The following WWOX variants were observed in gnomAD, a reference collection of about 807,000 sequenced individuals.
WWOX encodes WW domain containing oxidoreductase.
WWOX carries 69 observed loss-of-function variants against 46.2 expected under a neutral mutation model. That is an observed-to-expected ratio of 1.49 (90% CI 1.23 to 1.82). WWOX has a LOEUF of 1.82. Among genes scored for constraint, WWOX ranks in the 40% most tolerant of loss-of-function variants. WWOX has a pLI of 0.00. For missense variants in WWOX, 919 were observed against 542.6 expected (o/e 1.69, Z -6.89); for synonymous variants, 359 against 202.6 (o/e 1.77, Z -6.56).
intron 8 of WWOX, among the ~76,000 whole-genome samples, chr16:78,657,403 C>T (rs530130886): frequency 1.3e-5 from 2 of 152,218 alleles, no homozygotes; most frequent in Admixed American, 6.5e-5. Flanking sequence ...TTCCCGACTC[C>T]CAGGGCCCTG....
chr16:79,201,130 G>GTA (rs2051341154), intron 8 of WWOX, among the ~76,000 whole-genome samples: 2 of 152,070 alleles, frequency 1.3e-5, no homozygotes, highest in Non-Finnish European at 2.9e-5. Context: ...TCAAAGACAG[G>GTA]AGTCCAATGT....
At chr16:78,270,591 G>A (rs1305086592) in intron 5 of WWOX, 1 of 152,184 alleles carries the variant, frequency 6.6e-6, no homozygotes, top group Non-Finnish European at 1.5e-5. Context: ...GCTCTGCCAT[G>A]AGTAACGAAG....
At chr16:79,092,986 G>T (rs191554152) in intron 8 of WWOX, among the ~76,000 whole-genome samples, 3 of 151,992 alleles carry the variant, frequency 2.0e-5, no homozygotes, top group African/African-American at 7.3e-5. Flanking sequence ...AAGTAATCGC[G>T]GTTTTCACCA....
chr16:79,014,868 G>C (rs2047381524), intron 8 of WWOX, among the ~76,000 whole-genome samples: 1 of 152,174 alleles, frequency 6.6e-6, no homozygotes, highest in Non-Finnish European at 1.5e-5. Context: ...CAAGCACTTA[G>C]TGAGCATCAG....
chr16:78,310,668 C>A (rs1045785349), intron 5 of WWOX, among the ~76,000 whole-genome samples: 1 of 152,194 alleles, frequency 6.6e-6, no homozygotes, highest in African/African-American at 2.4e-5. Context: ...TCTCTGGGAT[C>A]GGGGATTTAT....
chr16:79,039,173 A>G (rs563185092), intron 8 of WWOX, among the ~76,000 whole-genome samples: 1 of 152,222 alleles, frequency 6.6e-6, no homozygotes, highest in Admixed American at 6.5e-5. Flanking sequence ...GGTGATGCTC[A>G]TGTTACGGTT....
intron 8 of WWOX, among the ~76,000 whole-genome samples, chr16:78,863,825 G>A (rs549170270): frequency 7.2e-5 from 11 of 152,174 alleles, no homozygotes; most frequent in Non-Finnish European, 1.6e-4. Context: ...AAAAAACTAT[G>A]TCCACATCCT....
intron 8 of WWOX, among the ~76,000 whole-genome samples, chr16:78,973,560 T>G (rs893735819): frequency 6.6e-6 from 1 of 152,200 alleles, no homozygotes; most frequent in Non-Finnish European, 1.5e-5. Context: ...TTTCTTTTTT[T>G]GGGGGCAGGG....
intron 8 of WWOX, among the ~76,000 whole-genome samples, chr16:78,609,311 C>A (rs192038950): frequency 6.6e-6 from 1 of 151,944 alleles, no homozygotes; most frequent in Non-Finnish European, 1.5e-5. Context: ...TCTTTGATAA[C>A]CTCATTTTCA....
chr16:78,806,878 T>C (rs560228761), intron 8 of WWOX, among the ~76,000 whole-genome samples: 7 of 152,276 alleles, frequency 4.6e-5, no homozygotes, highest in African/African-American at 1.7e-4. Context: ...ACAGTTCGTG[T>C]CCTGCAGTGG....
chr16:78,414,848 C>A (rs929190932), intron 6 of WWOX, among the ~76,000 whole-genome samples: 1 of 152,072 alleles, frequency 6.6e-6, no homozygotes, highest in African/African-American at 2.4e-5. Flanking sequence ...CCAGGAATGA[C>A]CAAAGACAGC....
At position 79,002,816 on chromosome 16, in the gene WWOX, G is replaced by T. The variant is rs113424616; in HGVS notation, c.1057-208792G>T. On this transcript the variant is annotated intron_variant, in intron 8 of 8. Transcript: ENST00000566780. ...AGGCCTGTCTGGATCCAAAACCCAT[G>T]CTCATAATCACTAAGTTATACTACC... Among the ~76,000 whole-genome samples, 1,064 of 152,230 alleles carry T rather than the reference G, an allele frequency of 7.0e-3. 9 individuals carry two copies. Among genetic ancestry groups the T allele is most frequent in the African/African-American group, 0.024 (1,012 of 41,540 alleles).
intron 5 of WWOX, among the ~76,000 whole-genome samples, chr16:78,287,819 A>G (rs986900224): frequency 6.6e-6 from 1 of 152,136 alleles, no homozygotes; most frequent in African/African-American, 2.4e-5. Flanking sequence ...AAGATCAATT[A>G]TGTAATAATT....
At chr16:78,223,416 T>G (rs1485486345) in intron 5 of WWOX, among the ~76,000 whole-genome samples, 1 of 152,156 alleles carries the variant, frequency 6.6e-6, no homozygotes, top group Non-Finnish European at 1.5e-5. Context: ...CTTTTCAACC[T>G]TGAAGCACTA....
intron 8 of WWOX, among the ~76,000 whole-genome samples, chr16:79,028,696 A>G (rs937339200): frequency 1.3e-5 from 2 of 151,866 alleles, no homozygotes; most frequent in Non-Finnish European, 2.9e-5. Context: ...CCCCATGGAA[A>G]GCAAATTGAA....
At chr16:78,593,062 C>T (rs1015718001) in intron 8 of WWOX, among the ~76,000 whole-genome samples, 1 of 152,164 alleles carries the variant, frequency 6.6e-6, no homozygotes, top group Non-Finnish European at 1.5e-5. Context: ...TAGGCAAATA[C>T]AAAAGCTCTT....
At chr16:78,631,751 C>A (rs1370117429) in intron 8 of WWOX, among the ~76,000 whole-genome samples, 4 of 152,082 alleles carry the variant, frequency 2.6e-5, no homozygotes, top group Non-Finnish European at 5.9e-5. Flanking sequence ...GTCTCTAACT[C>A]CTGGGCTCAA....
chr16:78,162,051 G>T lies in WWOX; in HGVS notation c.410-2132G>T, dbSNP rs117959402. ...TCTTTGTTACTTTCTGCATCTCTGG[G>T]TTTATAGCTAAGGTCATTTTCCTCC... On this transcript the variant is annotated intron_variant, in intron 4 of 8. Transcript: ENST00000566780. Among the ~76,000 whole-genome samples, 991 of 152,152 alleles carry T rather than the reference G, an allele frequency of 6.5e-3. 8 individuals carry two copies. The highest frequency in any genetic ancestry group is 0.012 in the Non-Finnish European group (815 of 67,994).
chr16:78,546,091 C>A (rs541374310), intron 8 of WWOX, among the ~76,000 whole-genome samples: 2 of 152,062 alleles, frequency 1.3e-5, no homozygotes, highest in African/African-American at 4.8e-5. Flanking sequence ...TGGTCCCTAC[C>A]CTCTGTCAGT....
Sources: allele counts gnomAD v4.1 joint callset (sites outside exome capture counted in the v4.1 genomes callset), GRCh38; gene constraint gnomAD v4.1.1; transcripts MANE v1.5; gene names NCBI Gene and HGNC (gene_info 2026-07-23, HGNC 2026-07-21).